The following CNGB1 variants were observed in gnomAD, a reference collection of about 807,000 sequenced individuals.
The protein encoded by CNGB1 is cyclic nucleotide gated channel subunit beta 1.
CNGB1 carries 126 observed loss-of-function variants against 151.7 expected under a neutral mutation model. The ratio of observed to expected loss-of-function variants is 0.83; its 90% CI spans 0.72 to 0.96. CNGB1 has a LOEUF of 0.96. CNGB1 is among the 40% of genes least tolerant of loss of function. The probability of loss-of-function intolerance (pLI) is 0.00; values close to 1 mark genes in which losing one functional copy is unlikely to be tolerated. For synonymous variants in CNGB1, 623 were observed against 635.1 expected, an observed-to-expected ratio of 0.98 and a Z score of 0.29; for missense variants, 1,698 against 1,627.0, an observed-to-expected ratio of 1.04 and a Z score of -0.75.
At chr16:57,913,477 CT>C (rs1217001983) in intron 23 of CNGB1, among the ~76,000 whole-genome samples, 1 of 151,882 alleles carries the variant, frequency 6.6e-6, no homozygotes, top group Non-Finnish European at 1.5e-5. Flanking sequence ...TGGCATATGC[CT>C]TTTTTTGTTT....
At chr16:57,887,775 GC>G in intron 32 of CNGB1, 79 bp downstream of exon 32, 1 of 1,334,412 alleles carries the variant, frequency 7.5e-7, no homozygotes, top group Non-Finnish European at 1.1e-6. Flanking sequence ...TAAATGTGTG[GC>G]CCACTCTTGG....
intron 14 of CNGB1, among the ~76,000 whole-genome samples, chr16:57,946,928 C>G (rs1481848902): frequency 6.6e-6 from 1 of 152,240 alleles, no homozygotes; most frequent in East Asian, 1.9e-4. Flanking sequence ...CTGCCGGTAA[C>G]TCTGGATGCA....
At chr16:57,928,077 C>A (rs1961241970) in intron 17 of CNGB1, among the ~76,000 whole-genome samples, 1 of 152,248 alleles carries the variant, frequency 6.6e-6, no homozygotes, top group Admixed American at 6.5e-5. Flanking sequence ...ACCATCTCTA[C>A]ATCCAACCAG....
At position 57,931,751 on chromosome 16, in the gene CNGB1, G is replaced by C. The variant is rs75406397; in HGVS notation, c.1500C>G (p.Thr500=). The C allele has an allele frequency of 3.1e-5, 50 of 1,614,034 alleles. No individual in the cohort carries two copies. Among genetic ancestry groups the C allele is most frequent in the Admixed American group, 1.7e-5 (1 of 60,000 alleles). The change falls in exon 17 of 33, where the codon ACC becomes ACG. Residue 500 remains threonine (T), a synonymous_variant. Coordinates refer to ENST00000251102, the MANE Select transcript of CNGB1 (RefSeq NM_001297.5). ...LPPPSPAKSD[T]LIVPSSASGT... ...CCGAGGCTGAGCTTGGGACTATAAG[G>C]GTGTCTGATTTGGCAGGAGACGGTG...
chr16:57,951,022 G>A (rs1271427046), intron 12 of CNGB1, among the ~76,000 whole-genome samples: 5 of 152,156 alleles, frequency 3.3e-5, no homozygotes, highest in African/African-American at 9.7e-5. Flanking sequence ...ACGCCCATAC[G>A]TTCGGCATTT....
intron 14 of CNGB1, among the ~76,000 whole-genome samples, chr16:57,946,950 G>T (rs1234663642): frequency 6.6e-6 from 1 of 152,248 alleles, no homozygotes; most frequent in African/African-American, 2.4e-5. Context: ...GTGCATTTGT[G>T]CAAGGCTGTC....
At chr16:57,918,108 G>C (rs201089785) in intron 20 of CNGB1, among the ~76,000 whole-genome samples, 1 of 142,352 alleles carries the variant, frequency 7.0e-6, no homozygotes, top group Non-Finnish European at 1.5e-5. Context: ...AGATCATCTG[G>C]TTATTTATTT....
chr16:57,942,330 C>A (rs1391759435), intron 14 of CNGB1, among the ~76,000 whole-genome samples: 3 of 152,050 alleles, frequency 2.0e-5, no homozygotes, highest in Admixed American at 6.5e-5. Flanking sequence ...TAAAAAAAAA[C>A]CCTAAAGATT....
rs374798952 is a variant in CNGB1, at chr16:57,912,917, G to C, written c.2369+13C>G. 7 of 1,613,320 alleles carry C rather than the reference G, an allele frequency of 4.3e-6. No individual in the cohort carries two copies. In the African/African-American group the frequency reaches 9.3e-5, roughly 22 times the overall value. ...GTGTGTGTGCATGCATGCACATGCA[G>C]GGGGAGTCTCACCTGTACACGTAGG... On this transcript the variant is annotated intron_variant, in intron 24 of 32. Transcript: ENST00000251102.
intron 12 of CNGB1, among the ~76,000 whole-genome samples, chr16:57,951,885 G>A (rs1275371163): frequency 6.6e-6 from 1 of 152,174 alleles, no homozygotes; most frequent in Non-Finnish European, 1.5e-5. Context: ...CACAGATGAG[G>A]TGCTGCCTGC....
At chr16:57,910,252 G>A (rs550494778) in intron 25 of CNGB1, among the ~76,000 whole-genome samples, 138 of 152,194 alleles carry the variant, frequency 9.1e-4, no homozygotes, top group African/African-American at 3.2e-3. Context: ...TCTAAAGCCC[G>A]CTATTTAGAG....
At chr16:57,933,732 T>C (rs1286200399) in intron 16 of CNGB1, among the ~76,000 whole-genome samples, 1 of 149,896 alleles carries the variant, frequency 6.7e-6, no homozygotes, top group Non-Finnish European at 1.5e-5. Context: ...TTCTTTTTTT[T>C]TTTTTTTTGA....
intron 31 of CNGB1, 68 bp from the exon 32 acceptor site, chr16:57,888,142 A>G (rs1272969086): frequency 1.1e-5 from 16 of 1,504,254 alleles, no homozygotes; most frequent in South Asian, 6.9e-5. Flanking sequence ...TCGCTTCTGC[A>G]GCCTCCTTTA....
In CNGB1 at chr16:57,910,644, G is replaced by A. The variant is rs191348395; in HGVS notation, c.2492+1109C>T. The stretch of plus-strand genomic sequence containing the variant: ...CCGCCTCAGCCTCCCAAAGTGTTGG[G>A]ATTACAGGCGTGAGCCACCAAGCCC... On this transcript the variant is annotated intron_variant, in intron 25 of 32. Transcript: ENST00000251102. Among the ~76,000 whole-genome samples the A allele has an allele frequency of 1.4e-4, 21 of 148,704 alleles. No individual in the cohort carries two copies. In the East Asian group the frequency reaches 4.0e-3, roughly 28 times the overall value.
rs1278307378 is a variant in CNGB1 at position 57,882,780 on chromosome 16, T to A, written c.*1384A>T. ...TATTCATTCCCTGAATGACCCTTTT[T>A]TCTTTTTTTTTCTTTTTTCTTTTTT... On this transcript the variant is annotated 3_prime_UTR_variant, in exon 33 of 33. Coordinates refer to ENST00000251102, the MANE Select transcript of CNGB1 (RefSeq NM_001297.5). The A allele has an allele frequency of 6.8e-6, 1 of 148,094 alleles. No homozygotes were observed. The highest frequency in any genetic ancestry group is 2.1e-4 in the South Asian group (1 of 4,674). The allele number at this position is 148,094 out of a possible 1,614,324, so 9.2% of individuals were successfully genotyped here. A position where few individuals can be genotyped will look rare whatever the true frequency, so the allele number is the denominator to read the frequency against.
intron 18 of CNGB1, among the ~76,000 whole-genome samples, chr16:57,922,349 C>G (rs1436742808): frequency 6.6e-6 from 1 of 152,134 alleles, no homozygotes; most frequent in Non-Finnish European, 1.5e-5. Flanking sequence ...CCCACTGGCC[C>G]AGCCCTGGGG....
rs560509640 is a variant in CNGB1 at position 57,893,579 on chromosome 16, C to A, written c.3242+3818G>T. 9.9e-5 allele frequency among the ~76,000 whole-genome samples: 15 copies of A among 152,224 alleles called. 1 individual carries two copies. The highest frequency in any genetic ancestry group is 2.4e-4 in the African/African-American group (10 of 41,554). On this transcript the variant is annotated intron_variant, in intron 31 of 32. Transcript: ENST00000251102. Reference sequence around the variant, plus strand: ...TTGGGAGGCCAAGGCGGGCAGATCGCCTGAGGTCAGAAGTCCCAGACCAGC... The same window carrying A: ...TTGGGAGGCCAAGGCGGGCAGATCGACTGAGGTCAGAAGTCCCAGACCAGC...
intron 32 of CNGB1, among the ~76,000 whole-genome samples, chr16:57,886,436 C>T (rs2149351184): frequency 6.6e-6 from 1 of 152,334 alleles, no homozygotes; most frequent in Admixed American, 6.5e-5. Context: ...GCCAGCTCCA[C>T]CTTGACCTTG....
chr16:57,922,605 T>C (rs1961071236), intron 18 of CNGB1, among the ~76,000 whole-genome samples: 1 of 151,724 alleles, frequency 6.6e-6, no homozygotes, highest in African/African-American at 2.4e-5. Context: ...ATTTTTGTAT[T>C]TTTATTAGAG....
Sources: allele counts gnomAD v4.1 joint callset (sites outside exome capture counted in the v4.1 genomes callset), GRCh38; gene constraint gnomAD v4.1.1; transcripts MANE v1.5; gene names NCBI Gene and HGNC (gene_info 2026-07-23, HGNC 2026-07-21).